Variants in SLCO2A1 observed in about 807,000 individuals in gnomAD.
SLCO2A1 encodes the protein solute carrier organic anion transporter family member 2A1, also known as matrin F/G 1.
A neutral mutation model predicts 71.7 loss-of-function variants in SLCO2A1; 60 were observed. That is an observed-to-expected ratio of 0.84 (90% CI 0.68 to 1.04). SLCO2A1 has a LOEUF of 1.04. Among genes scored for constraint, SLCO2A1 ranks in the 50% least tolerant of loss-of-function variants. SLCO2A1 has a pLI of 0.00. For synonymous variants in SLCO2A1, 308 were observed against 326.7 expected (o/e 0.94, Z 0.62); for missense variants, 745 against 813.4 (o/e 0.92, Z 1.02).
At chr3:133,960,974 G>A (rs998843343) in intron 3 of SLCO2A1, among the ~76,000 whole-genome samples, 1 of 152,032 alleles carries the variant, frequency 6.6e-6, no homozygotes, top group African/African-American at 2.4e-5. Flanking sequence ...TCCACAACAT[G>A]AATAAAGGTC....
At chr3:134,023,548 G>C (rs1935639293) in intron 1 of SLCO2A1, among the ~76,000 whole-genome samples, 1 of 152,034 alleles carries the variant, frequency 6.6e-6, no homozygotes, top group Non-Finnish European at 1.5e-5. Flanking sequence ...CCCCGATGTA[G>C]AGCTTTCATG....
chr3:133,966,799 A>C (rs1934188813), intron 3 of SLCO2A1, among the ~76,000 whole-genome samples: 1 of 152,210 alleles, frequency 6.6e-6, no homozygotes, highest in Non-Finnish European at 1.5e-5. Context: ...GCCTGTGCAC[A>C]CAGTCAGTGT....
intron 3 of SLCO2A1, among the ~76,000 whole-genome samples, chr3:133,961,872 A>G (rs1223268195): frequency 6.6e-6 from 1 of 152,194 alleles, no homozygotes; most frequent in African/African-American, 2.4e-5. Context: ...AAAAGGGAAC[A>G]GCAGTTAAAT....
chr3:133,953,559 G>A (rs1020472748), intron 5 of SLCO2A1, 104 bp downstream of exon 5: 26 of 832,198 alleles, frequency 3.1e-5, no homozygotes, highest in Admixed American at 1.0e-4. Flanking sequence ...GTGGCAGAGC[G>A]CATCTGGAGC....
At chr3:133,962,589 G>C (rs866597144) in intron 3 of SLCO2A1, among the ~76,000 whole-genome samples, 1 of 152,172 alleles carries the variant, frequency 6.6e-6, no homozygotes, top group Non-Finnish European at 1.5e-5. Flanking sequence ...GACAGAATGG[G>C]GGACTTGAGT....
intron 1 of SLCO2A1, among the ~76,000 whole-genome samples, chr3:133,981,110 C>T (rs1459944310): frequency 1.3e-5 from 2 of 152,358 alleles, no homozygotes; most frequent in South Asian, 2.1e-4. Context: ...AAGTGCCCAA[C>T]CCATGCCCTG....
chr3:133,978,585 G>A (rs753426593), intron 2 of SLCO2A1, among the ~76,000 whole-genome samples: 8 of 151,954 alleles, frequency 5.3e-5, no homozygotes, highest in Non-Finnish European at 1.2e-4. Context: ...ACAGGGGCCC[G>A]GGCTCTAAGT....
intron 9 of SLCO2A1, 93 bp downstream of exon 9, chr3:133,947,163 T>G: frequency 1.9e-6 from 2 of 1,063,276 alleles, no homozygotes; most frequent in East Asian, 5.0e-5. Context: ...CAGCAAAGAA[T>G]AGAGTTAAGG....
intron 1 of SLCO2A1, 96 bp downstream of exon 1, chr3:134,029,611 C>T: frequency 9.9e-7 from 1 of 1,009,402 alleles, no homozygotes; most frequent in East Asian, 2.9e-5. Context: ...CCCGGGGCTC[C>T]CGGAGCCTCC....
At chr3:134,018,536 C>A (rs1935509206) in intron 1 of SLCO2A1, among the ~76,000 whole-genome samples, 1 of 152,198 alleles carries the variant, frequency 6.6e-6, no homozygotes, top group Non-Finnish European at 1.5e-5. Flanking sequence ...CTTCTTCCCA[C>A]TATTCTCCAG....
At chr3:133,936,916 C>T (rs1276589122) in intron 12 of SLCO2A1, among the ~76,000 whole-genome samples, 1 of 152,174 alleles carries the variant, frequency 6.6e-6, no homozygotes, top group Non-Finnish European at 1.5e-5. Flanking sequence ...ACATTGTCAA[C>T]CCAATCCCAA....
At chr3:133,938,364 C>T (rs1392844673) in intron 12 of SLCO2A1, 65 bp downstream of exon 12, 4 of 1,380,564 alleles carry the variant, frequency 2.9e-6, no homozygotes, top group Non-Finnish European at 3.1e-6. Context: ...TACCCTGCAC[C>T]CATAGCCTTC....
intron 6 of SLCO2A1, among the ~76,000 whole-genome samples, chr3:133,949,472 A>T (rs1426127896): frequency 6.6e-6 from 1 of 152,142 alleles, no homozygotes; most frequent in African/African-American, 2.4e-5. Flanking sequence ...GCTCTGTCCT[A>T]AACCTTTACC....
At chr3:134,022,197 AG>A (rs894321818) in intron 1 of SLCO2A1, among the ~76,000 whole-genome samples, 38 of 152,294 alleles carry the variant, frequency 2.5e-4, no homozygotes, top group Admixed American at 8.5e-4. Context: ...CAAAAAGTTG[AG>A]GCATGTCGAA....
At chr3:134,004,356 C>T (rs971697334) in intron 1 of SLCO2A1, among the ~76,000 whole-genome samples, 8 of 152,042 alleles carry the variant, frequency 5.3e-5, no homozygotes, top group Non-Finnish European at 2.9e-5. Context: ...TTGTTTTAGA[C>T]GGAGTTTTGC....
intron 11 of SLCO2A1, among the ~76,000 whole-genome samples, chr3:133,941,736 G>T (rs1399668096): frequency 6.6e-6 from 1 of 152,060 alleles, no homozygotes; most frequent in African/African-American, 2.4e-5. Flanking sequence ...CTGGGAACTT[G>T]GTCCTGGAGC....
chr3:133,945,052 T>C (rs754253691), intron 10 of SLCO2A1, 43 bp downstream of exon 10: 17 of 1,578,658 alleles, frequency 1.1e-5, no homozygotes, highest in South Asian at 3.6e-5. Flanking sequence ...AGCTCCGAGA[T>C]CCTGTGGGGC....
intron 11 of SLCO2A1, among the ~76,000 whole-genome samples, chr3:133,942,148 C>A (rs904465266): frequency 6.6e-6 from 1 of 152,240 alleles, no homozygotes; most frequent in Admixed American, 6.5e-5. Context: ...CACTGGCCAC[C>A]ACGCCCAGCT....
At chr3:134,018,562 G>C (rs776690103) in intron 1 of SLCO2A1, among the ~76,000 whole-genome samples, 2 of 152,090 alleles carry the variant, frequency 1.3e-5, no homozygotes, top group Non-Finnish European at 2.9e-5. Flanking sequence ...AGTCTCCACC[G>C]GGATGTTCCC....
Sources: allele counts gnomAD v4.1 joint callset (sites outside exome capture counted in the v4.1 genomes callset), GRCh38; gene constraint gnomAD v4.1.1; transcripts MANE v1.5; gene names NCBI Gene and HGNC (gene_info 2026-07-23, HGNC 2026-07-21).